The following GALR1 variants were observed in gnomAD, a reference collection of about 807,000 sequenced individuals.
The protein encoded by GALR1 is galanin receptor 1.
Under a neutral mutation model 17.9 loss-of-function variants are expected in GALR1, and 11 were observed. The observed-to-expected ratio is 0.62, with a 90% CI of 0.39 to 1.02. The LOEUF is 1.02. GALR1 is among the 50% of genes least tolerant of loss of function. GALR1 has a pLI of 0.01. For missense variants in GALR1, 441 were observed against 456.9 expected, an observed-to-expected ratio of 0.97 and a Z score of 0.32; for synonymous variants, 206 against 205.7, an observed-to-expected ratio of 1.00 and a Z score of -0.01.
rs1913041499 is a variant in GALR1, at chr18:77,270,519, T to A, written c.*1617T>A. ...ACAGAGTAAGACTCTGTCTAAAATA[T>A]ATATATATATGTGTGTGTGTGTGTG... is the stretch of plus-strand genomic sequence containing the variant. On this transcript the variant is annotated 3_prime_UTR_variant, in exon 3 of 3. Transcript: ENST00000299727. 8.2e-6 allele frequency: 1 copy of A among 121,258 alleles called. No homozygotes were observed. Among genetic ancestry groups the A allele is most frequent in the African/African-American group, 3.0e-5 (1 of 33,620 alleles). 7.5% of individuals were successfully genotyped at this position (121,258 alleles called of 1,614,324 possible).
chr18:77,252,492 C>T (rs1912441094), intron 1 of GALR1, among the ~76,000 whole-genome samples: 1 of 152,170 alleles, frequency 6.6e-6, no homozygotes, highest in Admixed American at 6.5e-5. Context: ...CACCTGTTTC[C>T]CCCCACCTAT....
At position 77,261,300 on chromosome 18, in the gene GALR1, T is replaced by C. The variant is rs117326906; in HGVS notation, c.732+5077T>C. On this transcript the variant is annotated intron_variant, in intron 2 of 2. Coordinates refer to ENST00000299727, the MANE Select transcript of GALR1 (RefSeq NM_001480.4). ...CTCCATCAAAAGATAATGTTGAGAT[T>C]CTATACGCTAAATAGACAAAGGAGG... is the stretch of plus-strand genomic sequence containing the variant. Among the ~76,000 whole-genome samples the C allele has an allele frequency of 6.3e-3, 958 of 152,344 alleles. 6 individuals are homozygous for C. The highest frequency in any genetic ancestry group is 0.011 in the Non-Finnish European group (782 of 68,020).
At position 77,274,846 on chromosome 18, in the gene GALR1, CAT is replaced by C. The variant is rs974348243; in HGVS notation, c.*5945_*5946del. 5.3e-5 allele frequency: 8 copies of C among 152,218 alleles called. No individual in the cohort carries two copies. Among genetic ancestry groups the C allele is most frequent in the African/African-American group, 9.7e-5 (4 of 41,450 alleles). The allele number at this position is 152,218 out of a possible 1,614,324, so 9.4% of individuals were successfully genotyped here. A position where few individuals can be genotyped will look rare whatever the true frequency, so the allele number is the denominator to read the frequency against. Reference sequence around the variant, plus strand: ...ATTCACTCTTTTTATTACTTATACACATGTCTGTTTTTATTCTTCCCTACTCT... The same window carrying C: ...ATTCACTCTTTTTATTACTTATACACGTCTGTTTTTATTCTTCCCTACTCT... On this transcript the variant is annotated 3_prime_UTR_variant, in exon 3 of 3. Transcript: ENST00000299727.
At position 77,271,246 on chromosome 18, in the gene GALR1, A is replaced by ACCCCCCCCC. The variant is rs35556274; in HGVS notation, c.*2349_*2357dup. 42 of 77,980 alleles carry ACCCCCCCCC rather than the reference A, an allele frequency of 5.4e-4. No homozygotes were observed. Among genetic ancestry groups the ACCCCCCCCC allele is most frequent in the Non-Finnish European group, 8.0e-4 (28 of 35,082 alleles). 4.8% of individuals were successfully genotyped at this position (77,980 alleles called of 1,614,324 possible). Reference sequence around the variant, plus strand: ...CAAAAAGTAATAGCTTGCGCTTGAAACCCCCCCCCCCCCGCCACTTTGCTA... The same window carrying ACCCCCCCCC: ...CAAAAAGTAATAGCTTGCGCTTGAAACCCCCCCCCCCCCCCCCCCCCCGCCACTTTGCTA... On this transcript the variant is annotated 3_prime_UTR_variant, in exon 3 of 3. Coordinates refer to ENST00000299727, the MANE Select transcript of GALR1 (RefSeq NM_001480.4).
chr18:77,256,377 G>A (rs1046289048), intron 2 of GALR1, among the ~76,000 whole-genome samples, 154 bp downstream of exon 2: 10 of 152,108 alleles, frequency 6.6e-5, no homozygotes, highest in African/African-American at 2.2e-4. Flanking sequence ...CCGTTAGGAT[G>A]GGAATGGAGG....
rs1333797897 is a variant in GALR1 at position 77,274,067 on chromosome 18, G to T, written c.*5165G>T. The T allele has an allele frequency of 8.5e-5, 13 of 152,224 alleles. No individual in the cohort carries two copies. Among genetic ancestry groups the T allele is most frequent in the African/African-American group, 2.4e-4 (10 of 41,532 alleles). The allele number at this position is 152,224 out of a possible 1,614,324, so 9.4% of individuals were successfully genotyped here. A position where few individuals can be genotyped will look rare whatever the true frequency, so the allele number is the denominator to read the frequency against. On this transcript the variant is annotated 3_prime_UTR_variant, in exon 3 of 3. Transcript: ENST00000299727. ...ATGGGACACCATATACCACAGTACT[G>T]TATTTCAAAATATTGGATATTGATT...
chr18:77,258,515 G>A (rs1383550777), intron 2 of GALR1, among the ~76,000 whole-genome samples: 1 of 139,884 alleles, frequency 7.1e-6, no homozygotes, highest in East Asian at 2.1e-4. Flanking sequence ...TGATGATGGT[G>A]ATCATTGTGG....
rs1912373226 is a variant in GALR1, at chr18:77,250,492, C to A, written c.-57C>A. ...GACCCCTGGCCACCCCCGGCGCCTA[C>A]TATCCCGCCCTCCCTCCCCGCGCGC... On this transcript the variant is annotated 5_prime_UTR_variant, in exon 1 of 3. Transcript: ENST00000299727. The A allele has an allele frequency of 7.1e-7, 1 of 1,413,778 alleles. No individual in the cohort carries two copies. The highest frequency in any genetic ancestry group is 1.5e-5 in the African/African-American group (1 of 66,576). 87.6% of individuals were successfully genotyped at this position (1,413,778 alleles called of 1,614,324 possible).
intron 1 of GALR1, among the ~76,000 whole-genome samples, chr18:77,252,660 C>T (rs1912444754): frequency 6.6e-6 from 1 of 152,030 alleles, no homozygotes; most frequent in Non-Finnish European, 1.5e-5. Flanking sequence ...CCAGCCTGAC[C>T]AACAGGGTGA....
intron 2 of GALR1, among the ~76,000 whole-genome samples, chr18:77,268,315 A>G (rs1439787912): frequency 6.6e-6 from 1 of 152,204 alleles, no homozygotes. Context: ...CCTATAATGC[A>G]TTTCACATAT....
intron 1 of GALR1, among the ~76,000 whole-genome samples, chr18:77,253,246 G>T (rs932966404): frequency 1.3e-5 from 2 of 151,992 alleles, no homozygotes; most frequent in African/African-American, 4.8e-5. Context: ...TTATTTACCC[G>T]TATTTTATTA....
intron 1 of GALR1, among the ~76,000 whole-genome samples, chr18:77,254,894 G>C (rs1368509419): frequency 6.6e-6 from 1 of 152,166 alleles, no homozygotes; most frequent in Admixed American, 6.5e-5. Context: ...TTTCGGTAGG[G>C]GAGAGAATTT....
chr18:77,256,344 G>A, intron 2 of GALR1, 121 bp downstream of exon 2: 1 of 600,160 alleles, frequency 1.7e-6, no homozygotes, highest in Non-Finnish European at 2.9e-6. Flanking sequence ...GTGTGGCTAA[G>A]GAGGTTTGAG....
rs552502605 is a variant in GALR1, at chr18:77,271,682, G to C, written c.*2780G>C. 6.6e-6 allele frequency: 1 copy of C among 152,336 alleles called. No homozygotes were observed. The highest frequency in any genetic ancestry group is 2.1e-4 in the South Asian group (1 of 4,820). 9.4% of individuals were successfully genotyped at this position (152,336 alleles called of 1,614,324 possible). On this transcript the variant is annotated 3_prime_UTR_variant, in exon 3 of 3. Transcript: ENST00000299727. ...TTATACCTTTGAAGTCAGGCTGCTT[G>C]AAACTCACATTTTCAGTTTACTTCA...
chr18:77,264,251 G>T (rs1912897547), intron 2 of GALR1, among the ~76,000 whole-genome samples: 1 of 151,690 alleles, frequency 6.6e-6, no homozygotes, highest in African/African-American at 2.4e-5. Context: ...AGGGTGTGAG[G>T]TCCATGCAGG....
intron 1 of GALR1, among the ~76,000 whole-genome samples, chr18:77,255,527 A>G (rs1912566648): frequency 6.6e-6 from 1 of 152,196 alleles, no homozygotes; most frequent in African/African-American, 2.4e-5. Context: ...AATGAAAGGA[A>G]GCCTGATGGG....
chr18:77,259,320 G>A (rs574507325), intron 2 of GALR1, among the ~76,000 whole-genome samples: 4 of 132,010 alleles, frequency 3.0e-5, no homozygotes, highest in African/African-American at 8.3e-5. Context: ...GGTGATGATG[G>A]TGGTCATGGT....
chr18:77,268,683 G>A lies in GALR1; in HGVS notation c.831G>A (p.Leu277=), dbSNP rs770540051. 1 of 1,614,154 alleles carries A rather than the reference G, an allele frequency of 6.2e-7. No individual in the cohort carries two copies. Residue 277 remains leucine (L), a synonymous_variant, in exon 3 of 3, where the codon CTG becomes CTA. Transcript: ENST00000299727. ...GGGCTGAGTTTGGAGTTTTCCCGCT[G>A]ACGCCGGCTTCCTTCCTCTTCAGAA... ...HLWAEFGVFP[L]TPASFLFRIT... is the part of the protein sequence containing the mutation.
rs1236000815 is a variant in GALR1, at chr18:77,250,255, G to T, written c.-294G>T. Among the ~76,000 whole-genome samples the T allele has an allele frequency of 1.3e-5, 2 of 152,146 alleles. No homozygotes were observed. The highest frequency in any genetic ancestry group is 2.4e-5 in the African/African-American group (1 of 41,456). ...CAGGCTCCGTGGTCGCGCAGCGGGCGGAGGCGCCCGGGAAGGGGACCCCAG... is the reference window on the plus strand; with the variant it reads ...CAGGCTCCGTGGTCGCGCAGCGGGCTGAGGCGCCCGGGAAGGGGACCCCAG... On this transcript the variant is annotated 5_prime_UTR_variant, in exon 1 of 3. Coordinates refer to ENST00000299727, the MANE Select transcript of GALR1 (RefSeq NM_001480.4).
Sources: allele counts gnomAD v4.1 joint callset (sites outside exome capture counted in the v4.1 genomes callset), GRCh38; gene constraint gnomAD v4.1.1; transcripts MANE v1.5; gene names NCBI Gene and HGNC (gene_info 2026-07-23, HGNC 2026-07-21).